The following ZSWIM6 variants were observed in gnomAD, a reference collection of about 807,000 sequenced individuals.
The protein encoded by ZSWIM6 is zinc finger SWIM-type containing 6.
In ZSWIM6, 9 loss-of-function variants were observed where a neutral mutation model predicts 113.2. The observed-to-expected ratio is 0.08, with a 90% CI of 0.05 to 0.14. The LOEUF (loss-of-function observed/expected upper bound fraction) is 0.14, where lower values mean the gene tolerates loss of function less well. ZSWIM6 is among the 10% of genes least tolerant of loss of function. The probability of loss-of-function intolerance (pLI) is 1.00; values close to 1 mark genes in which losing one functional copy is unlikely to be tolerated. For missense variants in ZSWIM6, 1,162 were observed against 1,552.2 expected (o/e 0.75, Z 4.22); for synonymous variants, 611 against 606.5 (o/e 1.01, Z -0.11).
At chr5:61,487,974 A>G (rs1748066251) in intron 2 of ZSWIM6, among the ~76,000 whole-genome samples, 1 of 152,032 alleles carries the variant, frequency 6.6e-6, no homozygotes, top group Non-Finnish European at 1.5e-5. Flanking sequence ...GAATGCTTTC[A>G]ACTTTTCCCC....
chr5:61,417,902 A>C (rs1222018046), intron 1 of ZSWIM6, among the ~76,000 whole-genome samples: 4 of 152,214 alleles, frequency 2.6e-5, no homozygotes, highest in Non-Finnish European at 5.9e-5. Context: ...CTTGAAACCA[A>C]GTGAAAACCA....
intron 1 of ZSWIM6, among the ~76,000 whole-genome samples, chr5:61,468,883 A>G (rs1184945451): frequency 2.0e-5 from 3 of 152,214 alleles, no homozygotes; most frequent in Non-Finnish European, 4.4e-5. Context: ...GAGTCAATGT[A>G]TTGCATAGTC....
At chr5:61,373,041 C>G (rs1264762707) in intron 1 of ZSWIM6, among the ~76,000 whole-genome samples, 1 of 152,088 alleles carries the variant, frequency 6.6e-6, no homozygotes. Context: ...CTTCCTTTCT[C>G]CAGAACTAAC....
chr5:61,377,935 A>G (rs1333228623), intron 1 of ZSWIM6, among the ~76,000 whole-genome samples: 1 of 152,246 alleles, frequency 6.6e-6, no homozygotes. Flanking sequence ...GATTTATAAG[A>G]GAAATGAAAA....
At chr5:61,410,754 G>T (rs1215743074) in intron 1 of ZSWIM6, among the ~76,000 whole-genome samples, 1 of 152,114 alleles carries the variant, frequency 6.6e-6, no homozygotes. Context: ...CAAATATTAA[G>T]GTCATTTCAT....
chr5:61,529,890 G>A (rs1436320189), intron 7 of ZSWIM6, among the ~76,000 whole-genome samples, 162 bp from the exon 8 acceptor site: 1 of 152,140 alleles, frequency 6.6e-6, no homozygotes, highest in Non-Finnish European at 1.5e-5. Flanking sequence ...GGGGATTATG[G>A]TACCTTTTGA....
intron 1 of ZSWIM6, among the ~76,000 whole-genome samples, chr5:61,393,560 G>A (rs1745774881): frequency 6.6e-6 from 1 of 152,008 alleles, no homozygotes; most frequent in Non-Finnish European, 1.5e-5. Flanking sequence ...CCAGAAAGCT[G>A]ATAATTTGTG....
chr5:61,337,824 T>TG (rs896390843), intron 1 of ZSWIM6, among the ~76,000 whole-genome samples: 2 of 152,174 alleles, frequency 1.3e-5, no homozygotes, highest in Non-Finnish European at 2.9e-5. Context: ...TCAAGGTTTT[T>TG]GGGGGGGACT....
At chr5:61,520,386 C>G (rs368105265) in intron 4 of ZSWIM6, among the ~76,000 whole-genome samples, 1 of 152,054 alleles carries the variant, frequency 6.6e-6, no homozygotes, top group African/African-American at 2.4e-5. Flanking sequence ...TCTACTTCTT[C>G]GAAGAATGTA....
intron 4 of ZSWIM6, among the ~76,000 whole-genome samples, chr5:61,499,181 C>T (rs1442225200): frequency 1.3e-5 from 2 of 152,184 alleles, no homozygotes; most frequent in African/African-American, 4.8e-5. Context: ...GATGTCGGTA[C>T]ACACTTGGTA....
chr5:61,360,654 G>T (rs1009895208), intron 1 of ZSWIM6, among the ~76,000 whole-genome samples: 1 of 152,138 alleles, frequency 6.6e-6, no homozygotes, highest in African/African-American at 2.4e-5. Context: ...TACTTATCTA[G>T]CACTTATTTT....
At chr5:61,359,558 C>T (rs546700912) in intron 1 of ZSWIM6, among the ~76,000 whole-genome samples, 86 of 152,170 alleles carry the variant, frequency 5.7e-4, no homozygotes, top group African/African-American at 1.3e-3. Flanking sequence ...AGAGGGAACC[C>T]GCAGATTTTG....
At chr5:61,490,695 T>C in intron 2 of ZSWIM6, 91 bp from the exon 3 acceptor site, 2 of 1,312,748 alleles carry the variant, frequency 1.5e-6, no homozygotes, top group Non-Finnish European at 2.0e-6. Context: ...TGAGATTGAA[T>C]TAAAAAGTAG....
chr5:61,463,995 C>A (rs1747372218), intron 1 of ZSWIM6, among the ~76,000 whole-genome samples: 1 of 151,480 alleles, frequency 6.6e-6, no homozygotes, highest in Admixed American at 6.6e-5. Context: ...TCTATCTTTT[C>A]TTTTCTTTTC....
At chr5:61,486,816 T>C (rs1748033051) in intron 2 of ZSWIM6, among the ~76,000 whole-genome samples, 1 of 152,104 alleles carries the variant, frequency 6.6e-6, no homozygotes, top group Non-Finnish European at 1.5e-5. Flanking sequence ...TTTGATTTCC[T>C]TGTAAATTCT....
At chr5:61,410,092 T>G (rs1184549620) in intron 1 of ZSWIM6, among the ~76,000 whole-genome samples, 2 of 152,132 alleles carry the variant, frequency 1.3e-5, no homozygotes, top group East Asian at 3.8e-4. Flanking sequence ...GCACAATCAC[T>G]GTGATTTCAC....
At chr5:61,494,145 C>T (rs569814919) in intron 3 of ZSWIM6, 115 bp from the exon 4 acceptor site, 70 of 922,684 alleles carry the variant, frequency 7.6e-5, no homozygotes, top group East Asian at 5.3e-4. Context: ...CACACACACA[C>T]GGAGAGAGAG....
intron 1 of ZSWIM6, among the ~76,000 whole-genome samples, chr5:61,344,705 A>G (rs1391375456): frequency 6.6e-6 from 1 of 152,186 alleles, no homozygotes; most frequent in Admixed American, 6.5e-5. Flanking sequence ...AGAAGGACCT[A>G]TGTGTTACAG....
intron 1 of ZSWIM6, among the ~76,000 whole-genome samples, chr5:61,420,563 T>C (rs1440515452): frequency 5.9e-5 from 9 of 152,214 alleles, no homozygotes; most frequent in African/African-American, 1.9e-4. Context: ...ACTGACTAAG[T>C]AGCAGTAGAA....
Sources: gnomAD v4.1 joint callset for allele counts (sites outside exome capture counted in the v4.1 genomes callset) on GRCh38, gnomAD v4.1.1 for gene constraint, MANE v1.5 for transcripts, NCBI Gene and HGNC (gene_info 2026-07-23, HGNC 2026-07-21) for gene names.